Variants in ELP5 observed in about 807,000 individuals in gnomAD.
ELP5 encodes elongator complex protein 5.
ELP5 carries 34 observed loss-of-function variants against 33.4 expected under a neutral mutation model. The ratio of observed to expected loss-of-function variants is 1.02; its 90% CI spans 0.78 to 1.36. The LOEUF is 1.36. ELP5 is among the 40% of genes most tolerant of loss of function. ELP5 has a pLI of 0.00. For missense variants in ELP5, 373 were observed against 371.7 expected (o/e 1.00, Z -0.03); for synonymous variants, 161 against 146.4 (o/e 1.10, Z -0.72).
chr17:7,259,424 C>A, intron 7 of ELP5, 147 bp from the exon 8 acceptor site: 1 of 1,463,614 alleles, frequency 6.8e-7, no homozygotes, highest in Admixed American at 2.6e-5. Flanking sequence ...TCAGCTCTAA[C>A]ATGGAGGTCA....
intron 7 of ELP5, chr17:7,259,296 GC>G (rs2072156845): frequency 7.2e-7 from 1 of 1,383,628 alleles, no homozygotes; most frequent in Admixed American, 3.0e-5. Flanking sequence ...GCTGTTCTGT[GC>G]CCAGTATGTG....
At chr17:7,254,197 C>T (rs427784) in intron 3 of ELP5, among the ~76,000 whole-genome samples, 100,419 of 152,050 alleles carry the variant, frequency 0.66, 33,822 homozygotes, top group African/African-American at 0.79. Flanking sequence ...TCTTTTTTCA[C>T]CCAGGGTGAT....
rs1465970958 is a variant in ELP5 at position 7,258,681 on chromosome 17, C to T, written c.685C>T (p.Pro229Ser). ...GCCCTACTCCGATCCTCATATACCC[C>T]CGGTATCTAAGAATGCCAAGGCCAG... ...SQPYSDPHIP[P>S]VDPTTHLTFN... is the part of the protein sequence containing the mutation. Residue 229 changes from proline to serine, a missense_variant and splice_region_variant, in exon 6 of 8, where the codon CCG (proline) becomes TCG (serine). Pro to Ser is a moderately conservative substitution (Grantham distance 74). Coordinates refer to ENST00000396628, the MANE Select transcript of ELP5 (RefSeq NM_203414.3). The T allele has an allele frequency of 6.2e-7, 1 of 1,614,140 alleles. No individual in the cohort carries two copies. Among genetic ancestry groups the T allele is most frequent in the South Asian group, 1.1e-5 (1 of 91,074 alleles).
chr17:7,254,548 G>A (rs1362313542), intron 3 of ELP5, 35 bp from the exon 4 acceptor site: 2 of 1,500,964 alleles, frequency 1.3e-6, no homozygotes, highest in East Asian at 2.3e-5. Context: ...GGGGGAAGGG[G>A]CAATATTATA....
chr17:7,252,945 T>G lies in ELP5; in HGVS notation c.135T>G (p.Cys45Trp). The G allele has an allele frequency of 1.9e-6, 3 of 1,614,154 alleles. No homozygotes were observed. Among genetic ancestry groups the G allele is most frequent in the Non-Finnish European group, 8.5e-7 (1 of 1,180,028 alleles). ...LCGEQVHILG[C>W]EVSEEEFREG... ...GGGAGCAAGTGCATATCCTGGGCTGTGAAGTGAGCGAGGAAGAGTTTCGTG... is the reference window on the plus strand; with the variant it reads ...GGGAGCAAGTGCATATCCTGGGCTGGGAAGTGAGCGAGGAAGAGTTTCGTG... Residue 45 changes from cysteine to tryptophan, a missense_variant, in exon 3 of 8, where the codon TGT becomes TGG. Transcript: ENST00000396628.
intron 3 of ELP5, among the ~76,000 whole-genome samples, chr17:7,253,450 T>C (rs1038471491): frequency 1.3e-5 from 2 of 152,162 alleles, no homozygotes; most frequent in Non-Finnish European, 2.9e-5. Context: ...TTAGAACACA[T>C]GTAAAGGACT....
intron 4 of ELP5, among the ~76,000 whole-genome samples, chr17:7,256,078 C>T (rs1439058308): frequency 6.6e-6 from 1 of 151,932 alleles, no homozygotes; most frequent in Non-Finnish European, 1.5e-5. Context: ...ACAGTCCGGG[C>T]GCAGAGGCTC....
chr17:7,252,281 G>A lies in ELP5; in HGVS notation c.-270G>A, dbSNP rs1006001625. 7.3e-6 allele frequency: 4 copies of A among 548,432 alleles called. No individual in the cohort carries two copies. The highest frequency in any genetic ancestry group is 2.9e-5 in the Admixed American group (1 of 34,198). The allele number at this position is 548,432 out of a possible 1,614,324, so 34.0% of individuals were successfully genotyped here. A position where few individuals can be genotyped will look rare whatever the true frequency, so the allele number is the denominator to read the frequency against. On this transcript the variant is annotated 5_prime_UTR_variant, in exon 1 of 8. Coordinates refer to ENST00000396628, the MANE Select transcript of ELP5 (RefSeq NM_203414.3). ...CCTCCTCCCCCTCCCACTGACAACT[G>A]CCCCAACTGCTCTTCCCGCCCCGGT...
chr17:7,254,273 A>T (rs2072021406), intron 3 of ELP5, among the ~76,000 whole-genome samples: 1 of 152,232 alleles, frequency 6.6e-6, no homozygotes, highest in Non-Finnish European at 1.5e-5. Flanking sequence ...TCAGGCATAT[A>T]CTATGTGTCA....
At chr17:7,259,074 A>T in intron 7 of ELP5, 148 bp downstream of exon 7, 1 of 1,471,064 alleles carries the variant, frequency 6.8e-7, no homozygotes, top group Non-Finnish European at 9.0e-7. Flanking sequence ...TGATCCACCC[A>T]TTCCCCCTAT....
At chr17:7,256,321 C>T (rs988754762) in intron 4 of ELP5, among the ~76,000 whole-genome samples, 1 of 151,938 alleles carries the variant, frequency 6.6e-6, no homozygotes, top group South Asian at 2.1e-4. Flanking sequence ...CTAGCCTGGG[C>T]GACAGAGCAA....
At chr17:7,253,201 CGAGA>C (rs1217457501) in intron 3 of ELP5, among the ~76,000 whole-genome samples, 2 of 151,994 alleles carry the variant, frequency 1.3e-5, no homozygotes, top group Admixed American at 6.6e-5. Flanking sequence ...TCATAGAAGT[CGAGA>C]GAGAAATAGC....
At chr17:7,253,058 C>G in intron 3 of ELP5, 60 bp downstream of exon 3, 1 of 1,539,298 alleles carries the variant, frequency 6.5e-7, no homozygotes, top group Non-Finnish European at 9.0e-7. Flanking sequence ...AAGGAAATTT[C>G]TTTACAACAA....
chr17:7,254,896 T>TCTG, intron 4 of ELP5, 93 bp downstream of exon 4: 1 of 1,044,654 alleles, frequency 9.6e-7, no homozygotes. Context: ...AACATCTGGG[T>TCTG]TCTCCAGTCA....
At chr17:7,255,526 C>CAAAA (rs1004666450) in intron 4 of ELP5, among the ~76,000 whole-genome samples, 1 of 129,198 alleles carries the variant, frequency 7.7e-6, no homozygotes, top group Non-Finnish European at 1.7e-5. Flanking sequence ...GACTCCATCT[C>CAAAA]AAAAAAAAAA....
rs530615020 is a variant in ELP5 at position 7,252,562 on chromosome 17, G to T, written c.12G>T (p.Ser4=). The T allele has an allele frequency of 8.7e-6, 14 of 1,613,542 alleles. 1 individual carries two copies. In the South Asian group the frequency reaches 1.5e-4, roughly 18 times the overall value. Reference sequence around the variant, plus strand: ...GACGCGAGTTGGAGATGTTGGACTCGCTGTTGGCCTTGGGCGGCCTGGTGC... The same window carrying T: ...GACGCGAGTTGGAGATGTTGGACTCTCTGTTGGCCTTGGGCGGCCTGGTGC... MLD[S]LLALGGLVLL... is the part of the protein sequence containing the mutation. The change falls in exon 1 of 8, where the codon TCG becomes TCT. Residue 4 remains serine (S), a synonymous_variant. Transcript: ENST00000396628.
chr17:7,256,428 C>T (rs1422202507), intron 4 of ELP5, among the ~76,000 whole-genome samples: 3 of 152,190 alleles, frequency 2.0e-5, no homozygotes, highest in South Asian at 4.1e-4. Flanking sequence ...AGGATTCAAA[C>T]ATTGTGTTAA....
chr17:7,252,578 G>A lies in ELP5; in HGVS notation c.28G>A (p.Gly10Ser), dbSNP rs150249029. Reference sequence around the variant, plus strand: ...GTTGGACTCGCTGTTGGCCTTGGGCGGCCTGGTGCTGCTTCGGGGTGAGAG... The same window carrying A: ...GTTGGACTCGCTGTTGGCCTTGGGCAGCCTGGTGCTGCTTCGGGGTGAGAG... MLDSLLALG[G>S]LVLLRDSVEW... The change falls in exon 1 of 8, where the codon GGC becomes AGC. Residue 10 changes from glycine to serine, a missense_variant. By Grantham distance (56) the Gly-to-Ser change is moderately conservative. Coordinates refer to ENST00000396628, the MANE Select transcript of ELP5 (RefSeq NM_203414.3). 2.2e-4 allele frequency: 361 copies of A among 1,613,190 alleles called. 5 individuals are homozygous for A. In the East Asian group the frequency reaches 8.0e-3, roughly 36 times the overall value.
Position 7,259,745 on chromosome 17 carries a change from C to G in ELP5, c.*60C>G. 1 of 1,605,562 alleles carries G rather than the reference C, an allele frequency of 6.2e-7. No individual in the cohort carries two copies. The highest frequency in any genetic ancestry group is 1.3e-5 in the African/African-American group (1 of 74,874). ...GCGCGGGAAGACTTTGGGCCCAGAA[C>G]CATCTTTCTATTGTTTGTGTTAGCC... On this transcript the variant is annotated 3_prime_UTR_variant, in exon 8 of 8. Coordinates refer to ENST00000396628, the MANE Select transcript of ELP5 (RefSeq NM_203414.3).
Sources: allele counts gnomAD v4.1 joint callset (sites outside exome capture counted in the v4.1 genomes callset), GRCh38; gene constraint gnomAD v4.1.1; transcripts MANE v1.5; gene names NCBI Gene and HGNC (gene_info 2026-07-23, HGNC 2026-07-21).